CCDC25: variants seen among roughly 807,000 people sequenced by gnomAD.
The protein encoded by CCDC25 is coiled-coil domain-containing protein 25.
Under a neutral mutation model 35.3 loss-of-function variants are expected in CCDC25, and 16 were observed. The observed-to-expected ratio is 0.45, with a 90% CI of 0.31 to 0.69. The LOEUF (loss-of-function observed/expected upper bound fraction) is 0.69. Among genes scored for constraint, CCDC25 ranks in the 30% least tolerant of loss-of-function variants. CCDC25 has a pLI of 0.06. For missense variants in CCDC25, 179 were observed against 250.7 expected (o/e 0.71, Z 1.93); for synonymous variants, 79 against 80.3 (o/e 0.98, Z 0.09).
Position 27,736,108 on chromosome 8 carries a change from G to T in CCDC25, c.*108C>A. 1.0e-6 allele frequency: 1 copy of T among 1,004,564 alleles called. No homozygotes were observed. The highest frequency in any genetic ancestry group is 1.5e-6 in the Non-Finnish European group (1 of 676,680). The allele number at this position is 1,004,564 out of a possible 1,614,324, so 62.2% of individuals were successfully genotyped here. A position where few individuals can be genotyped will look rare whatever the true frequency, so the allele number is the denominator to read the frequency against. ...ATCAATAATTTCTGGGTAGGATGAAGGTAGAATTTTGGTTGTATTTTATAT... is the reference window on the plus strand; with the variant it reads ...ATCAATAATTTCTGGGTAGGATGAATGTAGAATTTTGGTTGTATTTTATAT... On this transcript the variant is annotated 3_prime_UTR_variant, in exon 9 of 9. Transcript: ENST00000356537.
chr8:27,767,196 T>C (rs1341138611), intron 1 of CCDC25, among the ~76,000 whole-genome samples: 1 of 151,984 alleles, frequency 6.6e-6, no homozygotes, highest in African/African-American at 2.4e-5. Context: ...TGAAACCCCA[T>C]CTCTACTAAA....
At chr8:27,741,651 A>G (rs1472346743) in intron 7 of CCDC25, among the ~76,000 whole-genome samples, 1 of 152,190 alleles carries the variant, frequency 6.6e-6, no homozygotes, top group African/African-American at 2.4e-5. Flanking sequence ...GCACTCCAAC[A>G]TGGGCGACAG....
rs2128934373 is a variant in CCDC25, at chr8:27,735,558, G to C, written c.*658C>G. ...CAGGCAACAACTGCCACAGGCCCCA[G>C]CTTGATGAACACCATCAATTTCTTT... On this transcript the variant is annotated 3_prime_UTR_variant, in exon 9 of 9. Coordinates refer to ENST00000356537, the MANE Select transcript of CCDC25 (RefSeq NM_018246.3). 6.6e-6 allele frequency: 1 copy of C among 152,318 alleles called. No homozygotes were observed. Among genetic ancestry groups the C allele is most frequent in the Middle Eastern group, 3.4e-3 (1 of 294 alleles). 9.4% of individuals were successfully genotyped at this position (152,318 alleles called of 1,614,324 possible).
intron 4 of CCDC25, among the ~76,000 whole-genome samples, chr8:27,755,119 G>A (rs1803953202): frequency 6.6e-6 from 1 of 152,130 alleles, no homozygotes; most frequent in African/African-American, 2.4e-5. Context: ...AACTACAGAA[G>A]GATCGGTCTA....
intron 1 of CCDC25, among the ~76,000 whole-genome samples, chr8:27,770,974 A>G (rs78974196): frequency 0.025 from 3,747 of 152,266 alleles, 62 homozygotes; most frequent in Middle Eastern, 0.044. Flanking sequence ...ACCGAGGACA[A>G]CACTGAATTC....
intron 3 of CCDC25, among the ~76,000 whole-genome samples, chr8:27,758,995 A>C (rs1300980685): frequency 6.6e-6 from 1 of 152,198 alleles, no homozygotes; most frequent in African/African-American, 2.4e-5. Context: ...AAAAAAATCC[A>C]GCTCTATAAA....
chr8:27,751,317 G>A (rs565337888), intron 5 of CCDC25, among the ~76,000 whole-genome samples: 36 of 152,342 alleles, frequency 2.4e-4, no homozygotes, highest in African/African-American at 7.7e-4. Flanking sequence ...GAAGATCTTA[G>A]CTGAAAATCT....
At chr8:27,746,386 A>G (rs914245133) in intron 7 of CCDC25, among the ~76,000 whole-genome samples, 6 of 152,218 alleles carry the variant, frequency 3.9e-5, no homozygotes, top group African/African-American at 9.6e-5. Flanking sequence ...GCACTTTGCA[A>G]TGCAGTGTTT....
intron 2 of CCDC25, 129 bp from the exon 3 acceptor site, chr8:27,762,587 C>G: frequency 1.5e-6 from 1 of 685,294 alleles, no homozygotes; most frequent in Non-Finnish European, 2.5e-6. Flanking sequence ...AAGAGTAATT[C>G]GGAGGCCTTG....
intron 3 of CCDC25, among the ~76,000 whole-genome samples, chr8:27,756,995 T>C (rs899380995): frequency 6.6e-6 from 1 of 152,188 alleles, no homozygotes; most frequent in African/African-American, 2.4e-5. Flanking sequence ...AGTGCCAAGA[T>C]GAGTAGAGAT....
At chr8:27,770,522 G>T (rs1462064072) in intron 1 of CCDC25, among the ~76,000 whole-genome samples, 1 of 152,170 alleles carries the variant, frequency 6.6e-6, no homozygotes, top group East Asian at 1.9e-4. Context: ...CAGATCACCT[G>T]AGGTCGGGAG....
chr8:27,743,464 C>T (rs919809849), intron 7 of CCDC25, among the ~76,000 whole-genome samples: 1 of 152,244 alleles, frequency 6.6e-6, no homozygotes, highest in African/African-American at 2.4e-5. Flanking sequence ...ACCTCTGCTG[C>T]TTCAGACATT....
intron 3 of CCDC25, among the ~76,000 whole-genome samples, chr8:27,758,133 T>C (rs990556063): frequency 6.6e-6 from 1 of 152,228 alleles, no homozygotes; most frequent in African/African-American, 2.4e-5. Context: ...GATGGACTAA[T>C]ACATTAGTCA....
rs192692716 is a variant in CCDC25 at position 27,766,358 on chromosome 8, G to A, written c.29-1107C>T. Among the ~76,000 whole-genome samples, 974 of 152,004 alleles carry A rather than the reference G, an allele frequency of 6.4e-3. 7 individuals are homozygous for A. Among genetic ancestry groups the A allele is most frequent in the Admixed American group, 7.9e-3 (121 of 15,258 alleles). ...TTAAAAAGCCTTATATCAGAGAGAT[G>A]CCCTGTACTTTCAGTAATGAGAAGC... On this transcript the variant is annotated intron_variant, in intron 1 of 8. Coordinates refer to ENST00000356537, the MANE Select transcript of CCDC25 (RefSeq NM_018246.3).
intron 1 of CCDC25, among the ~76,000 whole-genome samples, chr8:27,766,154 C>A (rs532177911): frequency 2.0e-5 from 3 of 152,212 alleles, no homozygotes; most frequent in Non-Finnish European, 4.4e-5. Context: ...TTCATAGACA[C>A]TGGGCCCTCA....
intron 3 of CCDC25, among the ~76,000 whole-genome samples, chr8:27,761,488 T>C (rs539445207): frequency 3.9e-5 from 6 of 152,384 alleles, no homozygotes; most frequent in African/African-American, 7.2e-5. Flanking sequence ...GTATTTGGCA[T>C]ATAGTTAAGT....
At chr8:27,744,363 G>T (rs1214102610) in intron 7 of CCDC25, among the ~76,000 whole-genome samples, 2 of 152,100 alleles carry the variant, frequency 1.3e-5, no homozygotes, top group Non-Finnish European at 2.9e-5. Flanking sequence ...CACCTCTAAG[G>T]GGAGGCAAGG....
At chr8:27,736,933 T>C (rs973131759) in intron 8 of CCDC25, among the ~76,000 whole-genome samples, 12 of 152,224 alleles carry the variant, frequency 7.9e-5, no homozygotes, top group Non-Finnish European at 1.8e-4. Context: ...AGAGTGTGCA[T>C]TCTGATTTGC....
intron 5 of CCDC25, among the ~76,000 whole-genome samples, chr8:27,751,382 G>T (rs1585354650): frequency 6.6e-6 from 1 of 152,216 alleles, no homozygotes; most frequent in African/African-American, 2.4e-5. Context: ...ATTACAATTT[G>T]TTAACTTATA....
Sources: gnomAD v4.1 joint callset for allele counts (sites outside exome capture counted in the v4.1 genomes callset) on GRCh38, gnomAD v4.1.1 for gene constraint, MANE v1.5 for transcripts, NCBI Gene and HGNC (gene_info 2026-07-23, HGNC 2026-07-21) for gene names.